Variants in TOPAZ1 observed in about 807,000 individuals in gnomAD.
TOPAZ1 encodes protein TOPAZ1.
TOPAZ1 carries 66 observed loss-of-function variants against 172.2 expected under a neutral mutation model. The observed-to-expected ratio is 0.38, with a 90% CI of 0.31 to 0.47. The LOEUF (loss-of-function observed/expected upper bound fraction) is 0.47. Ranked by LOEUF, TOPAZ1 falls within the 20% of genes least tolerant of loss-of-function variation. The probability of loss-of-function intolerance (pLI) is 0.99; values close to 1 mark genes in which losing one functional copy is unlikely to be tolerated. For missense variants in TOPAZ1, 1,822 were observed against 1,972.4 expected (o/e 0.92, Z 1.44); for synonymous variants, 681 against 683.9 (o/e 1.00, Z 0.07).
chr3:44,328,926 T>C (rs1296729156), intron 19 of TOPAZ1, among the ~76,000 whole-genome samples: 1 of 152,224 alleles, frequency 6.6e-6, no homozygotes, highest in African/African-American at 2.4e-5. Context: ...AGTGACACCC[T>C]TTCACGTAAT....
chr3:44,243,595 T>C lies in TOPAZ1; in HGVS notation c.1089T>C (p.Asn363=). Residue 363 remains asparagine, a synonymous_variant, in exon 2 of 20, where the codon AAT becomes AAC. Coordinates refer to ENST00000309765, the MANE Select transcript of TOPAZ1 (RefSeq NM_001145030.2). ...YNKSELMLQE[N]QMIADGKEAE... ...AGTCTGAGTTGATGTTGCAAGAAAA[T>C]CAAATGATTGCTGATGGTAAAGAAG... 1 of 1,550,672 alleles carries C rather than the reference T, an allele frequency of 6.4e-7. No homozygotes were observed. The highest frequency in any genetic ancestry group is 8.7e-7 in the Non-Finnish European group (1 of 1,146,942).
intron 2 of TOPAZ1, among the ~76,000 whole-genome samples, chr3:44,248,683 T>C (rs897795747): frequency 2.6e-5 from 4 of 152,196 alleles, no homozygotes; most frequent in Admixed American, 1.3e-4. Flanking sequence ...TTACTAGTTC[T>C]TATGCTCCAT....
chr3:44,289,980 A>T (rs1700118912), intron 11 of TOPAZ1, among the ~76,000 whole-genome samples: 1 of 152,050 alleles, frequency 6.6e-6, no homozygotes, highest in Non-Finnish European at 1.5e-5. Flanking sequence ...GTCATTCTTA[A>T]CTCTCTAAAT....
At chr3:44,309,703 T>C in intron 15 of TOPAZ1, 122 bp from the exon 16 acceptor site, 1 of 720,132 alleles carries the variant, frequency 1.4e-6, no homozygotes. Context: ...TTGGAGCAGC[T>C]TAACAGCCAG....
downstream of TOPAZ1, among the ~76,000 whole-genome samples, chr3:44,336,148 T>C (rs1700723495): frequency 6.6e-6 from 1 of 152,244 alleles, no homozygotes; most frequent in African/African-American, 2.4e-5. Flanking sequence ...GTCATCCACA[T>C]ACTGAAGTAG....
chr3:44,249,378 T>A (rs969970947), intron 2 of TOPAZ1, among the ~76,000 whole-genome samples: 1 of 152,064 alleles, frequency 6.6e-6, no homozygotes, highest in African/African-American at 2.4e-5. Flanking sequence ...TCCTTGAAGT[T>A]TGGATTTTAG....
chr3:44,241,929 T>C lies in TOPAZ1; in HGVS notation c.-125T>C, dbSNP rs1699480088. On this transcript the variant is annotated 5_prime_UTR_variant, in exon 1 of 20. Transcript: ENST00000309765. ...CACTTCCGCTTCCGGCCCCGGGCTG[T>C]GGTGACTGGCGGTGTGGGGTGGGTC... The C allele has an allele frequency of 4.4e-6, 4 of 912,604 alleles. No homozygotes were observed. The highest frequency in any genetic ancestry group is 1.7e-5 in the South Asian group (1 of 60,124). The allele number at this position is 912,604 out of a possible 1,614,324, so 56.5% of individuals were successfully genotyped here.
chr3:44,267,289 C>CTTT (rs71085610), intron 6 of TOPAZ1, among the ~76,000 whole-genome samples, 153 bp downstream of exon 6: 12 of 104,630 alleles, frequency 1.1e-4, no homozygotes, highest in African/African-American at 1.5e-4. Context: ...TTACTTAGTA[C>CTTT]TTTTTTTTTT....
chr3:44,277,736 A>G (rs1699978621), intron 8 of TOPAZ1, among the ~76,000 whole-genome samples: 1 of 152,136 alleles, frequency 6.6e-6, no homozygotes, highest in Non-Finnish European at 1.5e-5. Flanking sequence ...TTTTTTCACT[A>G]TAGTGAGTGA....
chr3:44,274,808 C>G (rs1699935872), intron 8 of TOPAZ1, among the ~76,000 whole-genome samples: 1 of 152,146 alleles, frequency 6.6e-6, no homozygotes, highest in South Asian at 2.1e-4. Flanking sequence ...CCTGCCTCAG[C>G]CTCCCAAAGT....
chr3:44,287,260 A>G, intron 9 of TOPAZ1, 129 bp from the exon 10 acceptor site: 2 of 513,384 alleles, frequency 3.9e-6, no homozygotes, highest in Non-Finnish European at 6.3e-6. Context: ...TAATACTAGA[A>G]CTGTACCTTT....
At chr3:44,273,527 G>A (rs534522162) in intron 8 of TOPAZ1, among the ~76,000 whole-genome samples, 11 of 152,128 alleles carry the variant, frequency 7.2e-5, no homozygotes, top group African/African-American at 1.4e-4. Context: ...TCTCCCTTCC[G>A]TATACAAAAT....
intron 1 of TOPAZ1, 115 bp downstream of exon 1, chr3:44,242,514 T>C (rs972644195): frequency 8.8e-7 from 1 of 1,141,468 alleles, no homozygotes; most frequent in Non-Finnish European, 1.2e-6. Flanking sequence ...ATGCACATAG[T>C]TGACCAGGAG....
At chr3:44,336,130 A>G (rs1430869141), downstream of TOPAZ1, among the ~76,000 whole-genome samples, 1 of 152,238 alleles carries the variant, frequency 6.6e-6, no homozygotes, top group Non-Finnish European at 1.5e-5. Flanking sequence ...AGGACTACAG[A>G]TTAGTAAGTC....
At chr3:44,328,543 A>G (rs1700628403) in intron 19 of TOPAZ1, 110 bp downstream of exon 19, 2 of 487,904 alleles carry the variant, frequency 4.1e-6, no homozygotes, top group Non-Finnish European at 6.8e-6. Flanking sequence ...ATATTTATGT[A>G]TATATTTATA....
intron 2 of TOPAZ1, among the ~76,000 whole-genome samples, chr3:44,246,590 C>A (rs1359224726): frequency 6.6e-6 from 1 of 152,004 alleles, no homozygotes. Flanking sequence ...TGGTAATCTG[C>A]CTGTTTTGAA....
Position 44,278,092 on chromosome 3 carries a change from A to T in TOPAZ1, c.3373-3876A>T, listed in dbSNP as rs1699983698. Among the ~76,000 whole-genome samples, 3 of 152,030 alleles carry T rather than the reference A, an allele frequency of 2.0e-5. No individual in the cohort carries two copies. The South Asian group carries it at 6.2e-4, about 31-fold the overall frequency. On this transcript the variant is annotated intron_variant, in intron 8 of 19. Coordinates refer to ENST00000309765, the MANE Select transcript of TOPAZ1 (RefSeq NM_001145030.2). ...TTATTGAGATTTTTATCATGAAGGG[A>T]TATTGAATTTTATTAAATGCTTTGT...
At chr3:44,265,052 T>G (rs1038279368) in intron 5 of TOPAZ1, among the ~76,000 whole-genome samples, 14 of 152,352 alleles carry the variant, frequency 9.2e-5, no homozygotes, top group African/African-American at 3.4e-4. Context: ...GTTGATATGT[T>G]GACCTTCTCT....
At chr3:44,300,430 AAAAG>A (rs147445265) in intron 12 of TOPAZ1, among the ~76,000 whole-genome samples, 69,515 of 151,440 alleles carry the variant, frequency 0.46, 17,125 homozygotes, top group East Asian at 0.8. Flanking sequence ...GTCTTAAAAA[AAAAG>A]AAAGAAAAGA....
Sources: gnomAD v4.1 joint callset for allele counts (sites outside exome capture counted in the v4.1 genomes callset) on GRCh38, gnomAD v4.1.1 for gene constraint, MANE v1.5 for transcripts, NCBI Gene and HGNC (gene_info 2026-07-23, HGNC 2026-07-21) for gene names.